FBXO15: variants seen among roughly 807,000 people sequenced by gnomAD.
FBXO15 encodes the protein F-box protein 15.
FBXO15 carries 30 observed loss-of-function variants against 49.5 expected under a neutral mutation model. The ratio of observed to expected loss-of-function variants is 0.61; its 90% confidence interval spans 0.45 to 0.82. FBXO15 has a LOEUF of 0.82. Ranked by LOEUF, FBXO15 falls within the 40% of genes least tolerant of loss-of-function variation. The probability of loss-of-function intolerance (pLI) is 0.00; values close to 1 mark genes in which losing one functional copy is unlikely to be tolerated. For missense variants in FBXO15, 591 were observed against 631.5 expected, an observed-to-expected ratio of 0.94 and a Z score of 0.69; for synonymous variants, 250 against 232.7, an observed-to-expected ratio of 1.07 and a Z score of -0.68.
intron 1 of FBXO15, among the ~76,000 whole-genome samples, chr18:74,142,513 C>T (rs996904233): frequency 2.0e-5 from 3 of 152,168 alleles, no homozygotes; most frequent in Non-Finnish European, 4.4e-5. Context: ...GGCCGTGCTC[C>T]CTCTGAAGGC....
chr18:74,141,590 CAA>C (rs35148962), intron 1 of FBXO15, among the ~76,000 whole-genome samples: 2 of 151,728 alleles, frequency 1.3e-5, no homozygotes, highest in African/African-American at 4.8e-5. Context: ...CAATTGGGAG[CAA>C]AAAAAGAGAT....
intron 8 of FBXO15, among the ~76,000 whole-genome samples, chr18:74,102,747 A>G (rs1314043709): frequency 6.6e-6 from 1 of 152,200 alleles, no homozygotes; most frequent in South Asian, 2.1e-4. Context: ...ACTGTGGTGT[A>G]TATGTATACA....
At chr18:74,140,104 G>T in intron 2 of FBXO15, 98 bp downstream of exon 2, 1 of 976,864 alleles carries the variant, frequency 1.0e-6, no homozygotes, top group Non-Finnish European at 1.5e-6. Context: ...TTCTTAGCAA[G>T]CTCAAAATAG....
At chr18:74,103,093 A>G (rs763825557) in intron 8 of FBXO15, among the ~76,000 whole-genome samples, 88 of 152,258 alleles carry the variant, frequency 5.8e-4, no homozygotes, top group Middle Eastern at 6.8e-3. Flanking sequence ...GTTCCCCCAA[A>G]AACCTGTGGA....
chr18:74,138,380 C>G (rs1347274286), intron 2 of FBXO15, among the ~76,000 whole-genome samples: 2 of 152,164 alleles, frequency 1.3e-5, no homozygotes, highest in Admixed American at 6.5e-5. Context: ...GCCTCCTCCC[C>G]CCGCCTCCCC....
At chr18:74,096,164 T>C (rs1431724680) in intron 8 of FBXO15, among the ~76,000 whole-genome samples, 2 of 152,188 alleles carry the variant, frequency 1.3e-5, no homozygotes, top group Non-Finnish European at 2.9e-5. Flanking sequence ...TGGGAAGTAC[T>C]GAGCGTGCCT....
chr18:74,135,699 T>A (rs1206334707), intron 3 of FBXO15, 63 bp downstream of exon 3: 1 of 1,258,442 alleles, frequency 7.9e-7, no homozygotes, highest in African/African-American at 1.5e-5. Context: ...AAAAAGTTAC[T>A]AGTTTTCCTG....
intron 8 of FBXO15, among the ~76,000 whole-genome samples, chr18:74,090,421 T>C (rs1912970231): frequency 6.6e-6 from 1 of 152,134 alleles, no homozygotes; most frequent in African/African-American, 2.4e-5. Flanking sequence ...AGCTCTGATT[T>C]TGGTTATCTC....
At chr18:74,129,289 TTAATA>T (rs1978309732) in intron 5 of FBXO15, 111 bp downstream of exon 5, 1 of 842,512 alleles carries the variant, frequency 1.2e-6, no homozygotes, top group East Asian at 2.7e-5. Flanking sequence ...GAATGTACAT[TTAATA>T]TGTGATAAAA....
intron 8 of FBXO15, among the ~76,000 whole-genome samples, chr18:74,095,734 G>T (rs1913244237): frequency 6.6e-6 from 1 of 152,132 alleles, no homozygotes; most frequent in African/African-American, 2.4e-5. Context: ...TTAGAAAACT[G>T]GCACCAATAG....
intron 8 of FBXO15, chr18:74,097,025 T>C (rs1252634797): frequency 6.6e-6 from 1 of 151,956 alleles, no homozygotes; most frequent in Non-Finnish European, 1.5e-5. Flanking sequence ...TGGAGCTGAG[T>C]CAGTTTAGAG....
At chr18:74,106,363 A>G (rs1215348982) in intron 8 of FBXO15, among the ~76,000 whole-genome samples, 2 of 148,932 alleles carry the variant, frequency 1.3e-5, no homozygotes, top group Admixed American at 6.6e-5. Context: ...AAGGCAAAAG[A>G]TAAAATGGGA....
rs528828446 is a variant in FBXO15 at position 74,099,869 on chromosome 18, G to A, written c.1139-17818C>T. The A allele has an allele frequency of 3.3e-5, 5 of 152,164 alleles. No individual in the cohort carries two copies. The East Asian group carries it at 9.6e-4, about 29-fold the overall frequency. The allele number at this position is 152,164 out of a possible 1,614,324, so 9.4% of individuals were successfully genotyped here. A position where few individuals can be genotyped will look rare whatever the true frequency, so the allele number is the denominator to read the frequency against. On this transcript the variant is annotated intron_variant, in intron 8 of 9. Transcript: ENST00000419743. ...CTTTGTCCAACAGGAAAATATCACA[G>A]TCCTAAAAATATATGCACCTAACAC...
rs1364176634 is a variant in FBXO15 at position 74,123,353 on chromosome 18, C to T, written c.1138+15G>A. The T allele has an allele frequency of 6.3e-7, 1 of 1,592,594 alleles. No homozygotes were observed. ...CTTTAATTTCATAATGAAATAAAAACTCAATCAATTTCACCTCTCTTGGTG... is the reference window on the plus strand; with the variant it reads ...CTTTAATTTCATAATGAAATAAAAATTCAATCAATTTCACCTCTCTTGGTG... On this transcript the variant is annotated intron_variant, in intron 8 of 9. Coordinates refer to ENST00000419743, the MANE Select transcript of FBXO15 (RefSeq NM_001142958.2).
At chr18:74,145,196 A>C (rs968944444) in intron 1 of FBXO15, among the ~76,000 whole-genome samples, 2 of 152,230 alleles carry the variant, frequency 1.3e-5, no homozygotes, top group Non-Finnish European at 1.5e-5. Context: ...AATTCTACAA[A>C]TACTTCTTAA....
chr18:74,125,410 C>T (rs182071972), intron 6 of FBXO15, among the ~76,000 whole-genome samples: 7 of 152,190 alleles, frequency 4.6e-5, no homozygotes, highest in East Asian at 1.9e-4. Context: ...TAATGCATAA[C>T]GCCAACTCAG....
intron 8 of FBXO15, among the ~76,000 whole-genome samples, chr18:74,119,965 AGTG>A (rs1914404410): frequency 6.6e-6 from 1 of 152,302 alleles, no homozygotes; most frequent in South Asian, 2.1e-4. Context: ...AGCTGCCCAC[AGTG>A]GTGGCACCAG....
At chr18:74,097,552 C>A (rs62096999) in intron 8 of FBXO15, 2 of 152,348 alleles carry the variant, frequency 1.3e-5, no homozygotes, top group African/African-American at 2.4e-5. Flanking sequence ...CCTGGGAACA[C>A]AGCTCCATTG....
At chr18:74,083,794 A>G (rs1271429237) in intron 8 of FBXO15, among the ~76,000 whole-genome samples, 1 of 152,230 alleles carries the variant, frequency 6.6e-6, no homozygotes, top group Non-Finnish European at 1.5e-5. Flanking sequence ...CTCTTCCTAC[A>G]TTTAAACAGT....
Sources: gnomAD v4.1 joint callset for allele counts (sites outside exome capture counted in the v4.1 genomes callset) on GRCh38, gnomAD v4.1.1 for gene constraint, MANE v1.5 for transcripts, NCBI Gene and HGNC (gene_info 2026-07-23, HGNC 2026-07-21) for gene names.